SUGCT: variants seen among roughly 807,000 people sequenced by gnomAD.
SUGCT encodes succinyl-CoA:glutarate-CoA transferase.
Under a neutral mutation model 55.0 loss-of-function variants are expected in SUGCT, and 41 were observed. The observed-to-expected ratio is 0.74, with a 90% confidence interval of 0.58 to 0.97. SUGCT has a LOEUF of 0.97. Among genes scored for constraint, SUGCT ranks in the 50% least tolerant of loss-of-function variants. The pLI is 0.00. For missense variants in SUGCT, 568 were observed against 547.8 expected (o/e 1.04, Z -0.37); for synonymous variants, 187 against 200.4 (o/e 0.93, Z 0.56).
the SUGCT span, among the ~76,000 whole-genome samples, chr7:41,000,722 G>C: frequency 6.6e-6 from 1 of 152,160 alleles, no homozygotes; most frequent in South Asian, 2.1e-4. Flanking sequence ...AGAATAGCTT[G>C]TAGATGTGTT....
the SUGCT span, among the ~76,000 whole-genome samples, chr7:40,986,912 C>A: frequency 2.6e-5 from 4 of 152,220 alleles, no homozygotes; most frequent in African/African-American, 9.6e-5. Context: ...TCCAGAAAGT[C>A]TCTCCACATC....
chr7:40,407,728 C>T (rs907567892), intron 9 of SUGCT, among the ~76,000 whole-genome samples: 1 of 151,402 alleles, frequency 6.6e-6, no homozygotes, highest in Non-Finnish European at 1.5e-5. Context: ...ATTAAGAGTC[C>T]CCCCCTCCCC....
intron 8 of SUGCT, among the ~76,000 whole-genome samples, chr7:40,286,212 A>T (rs2151032715): frequency 6.6e-6 from 1 of 152,294 alleles, no homozygotes; most frequent in African/African-American, 2.4e-5. Flanking sequence ...CAAACAAGTA[A>T]TTAGTAATAA....
chr7:40,324,261 A>ATATATATATATATATATATATATATT lies in SUGCT; in HGVS notation c.816+7409_816+7410insATATATATATATATATATATATTTAT, dbSNP rs377215730. Among the ~76,000 whole-genome samples, 422 of 99,492 alleles carry ATATATATATATATATATATATATATT rather than the reference A, an allele frequency of 4.2e-3. 9 individuals carry two copies. The highest frequency in any genetic ancestry group is 8.7e-3 in the African/African-American group (217 of 24,944). The allele number at this position is 99,492 out of a possible 152,430, so 65.3% of individuals were successfully genotyped here. The stretch of plus-strand genomic sequence containing the variant: ...AATAAATAAATAAATAAATATATAT[A>ATATATATATATATATATATATATATT]TATTTATTTTTTGAGACAGAGTCTT... On this transcript the variant is annotated intron_variant, in intron 9 of 13. Coordinates refer to ENST00000335693, the MANE Select transcript of SUGCT (RefSeq NM_001193313.2).
the SUGCT span, among the ~76,000 whole-genome samples, chr7:40,946,597 C>G: frequency 6.6e-6 from 1 of 152,096 alleles, no homozygotes; most frequent in African/African-American, 2.4e-5. Context: ...TTCTAAAGGG[C>G]TTTTTAAAGT....
intron 9 of SUGCT, among the ~76,000 whole-genome samples, chr7:40,323,778 A>G (rs573104381): frequency 3.2e-4 from 48 of 152,318 alleles, no homozygotes; most frequent in Non-Finnish European, 6.0e-4. Flanking sequence ...TAGTTCATCT[A>G]TTCCTGGCCT....
the SUGCT span, among the ~76,000 whole-genome samples, chr7:40,940,701 C>A: frequency 1.3e-5 from 2 of 151,928 alleles, no homozygotes. Context: ...TGGTGTATAG[C>A]CATGCTACTG....
intron 9 of SUGCT, among the ~76,000 whole-genome samples, chr7:40,319,908 G>A (rs1316562075): frequency 6.6e-6 from 1 of 150,378 alleles, no homozygotes; most frequent in South Asian, 2.1e-4. Context: ...CTGCAGCCTC[G>A]ACCTGCTGGG....
intron 12 of SUGCT, among the ~76,000 whole-genome samples, chr7:40,593,334 GAGAGGTAGGC>G (rs1797829839): frequency 6.6e-6 from 1 of 152,160 alleles, no homozygotes; most frequent in Non-Finnish European, 1.5e-5. Context: ...ACCAGTGCCA[GAGAGGTAGGC>G]ATGGTCAAAC....
chr7:40,711,798 T>C (rs17438052), intron 12 of SUGCT, among the ~76,000 whole-genome samples: 30,731 of 152,214 alleles, frequency 0.2, 3,261 homozygotes, highest in Non-Finnish European at 0.23. Flanking sequence ...TCTGTGTATC[T>C]TCAACTAGAT....
In SUGCT at chr7:40,365,440, G is replaced by A. The variant is rs569598446; in HGVS notation, c.816+48585G>A. On this transcript the variant is annotated intron_variant, in intron 9 of 13. Coordinates refer to ENST00000335693, the MANE Select transcript of SUGCT (RefSeq NM_001193313.2). ...CAATCAGGCAGGAGAAGGAAATAAA[G>A]GGTATTCAATTAGGAAAAGAGGAAG... Among the ~76,000 whole-genome samples the A allele has an allele frequency of 9.9e-3, 1,507 of 151,864 alleles. 21 individuals carry two copies. The highest frequency in any genetic ancestry group is 0.035 in the African/African-American group (1,438 of 41,382).
intron 11 of SUGCT, among the ~76,000 whole-genome samples, chr7:40,461,893 C>G (rs1343267458): frequency 6.6e-6 from 1 of 152,176 alleles, no homozygotes; most frequent in African/African-American, 2.4e-5. Context: ...GTCTCCAGGT[C>G]AGGCACATAG....
At chr7:40,277,496 A>G (rs1008763711) in intron 8 of SUGCT, among the ~76,000 whole-genome samples, 5 of 151,968 alleles carry the variant, frequency 3.3e-5, no homozygotes, top group Non-Finnish European at 7.4e-5. Context: ...AGCCAGAGCC[A>G]CTGTGCTGAG....
At chr7:40,725,252 T>G (rs1786553149) in intron 12 of SUGCT, among the ~76,000 whole-genome samples, 1 of 152,202 alleles carries the variant, frequency 6.6e-6, no homozygotes, top group Non-Finnish European at 1.5e-5. Flanking sequence ...CTCTAGAGGA[T>G]TTTTATACAT....
At chr7:40,704,195 T>C (rs1194626018) in intron 12 of SUGCT, among the ~76,000 whole-genome samples, 3 of 152,198 alleles carry the variant, frequency 2.0e-5, no homozygotes, top group East Asian at 1.9e-4. Context: ...AAAAATTGGC[T>C]TTGAGAATAG....
the SUGCT span, among the ~76,000 whole-genome samples, chr7:41,031,096 G>A: frequency 2.1e-4 from 32 of 152,114 alleles, no homozygotes; most frequent in Non-Finnish European, 2.8e-4. Flanking sequence ...CAAGTAGCTA[G>A]GACCACAAAT....
chr7:41,001,754 C>A, the SUGCT span, among the ~76,000 whole-genome samples: 2 of 152,160 alleles, frequency 1.3e-5, no homozygotes, highest in Non-Finnish European at 2.9e-5. Context: ...TACTTCCTAA[C>A]AACTCCATCT....
chr7:40,740,527 T>G (rs1229727330), intron 12 of SUGCT, among the ~76,000 whole-genome samples: 1 of 150,414 alleles, frequency 6.6e-6, no homozygotes, highest in African/African-American at 2.4e-5. Context: ...CCTCATTTTA[T>G]TTTATTTTTA....
rs77788648 is a variant in SUGCT at position 40,748,266 on chromosome 7, G to A, written c.1090-1168G>A. On this transcript the variant is annotated intron_variant, in intron 12 of 13. Transcript: ENST00000335693. The stretch of plus-strand genomic sequence containing the variant: ...GTTTAAAGATTGGGTTTAGAATAAA[G>A]ATAGTATTTGATTTTTATGTATATT... Among the ~76,000 whole-genome samples the A allele has an allele frequency of 6.8e-3, 1,039 of 152,226 alleles. 39 individuals carry two copies. In the East Asian group the frequency reaches 0.08, roughly 12 times the overall value.
Sources: allele counts gnomAD v4.1 joint callset (sites outside exome capture counted in the v4.1 genomes callset), GRCh38; gene constraint gnomAD v4.1.1; transcripts MANE v1.5; gene names NCBI Gene and HGNC (gene_info 2026-07-23, HGNC 2026-07-21).